The following CPLANE1 variants were observed in gnomAD, a reference collection of about 807,000 sequenced individuals.
CPLANE1 encodes ciliogenesis and planar polarity effector 1.
Under a neutral mutation model 362.5 loss-of-function variants are expected in CPLANE1, and 263 were observed. The ratio of observed to expected loss-of-function variants is 0.73; its 90% confidence interval spans 0.66 to 0.80. The LOEUF (loss-of-function observed/expected upper bound fraction) is 0.80. CPLANE1 is among the 30% of genes least tolerant of loss of function. CPLANE1 has a pLI of 0.00. For missense variants in CPLANE1, 3,461 were observed against 3,793.4 expected (o/e 0.91, Z 2.30); for synonymous variants, 1,212 against 1,302.6 (o/e 0.93, Z 1.50).
Position 37,231,046 on chromosome 5 carries a change from G to A in CPLANE1, c.942C>T (p.Ser314=). 2 of 1,521,182 alleles carry A rather than the reference G, an allele frequency of 1.3e-6. No individual in the cohort carries two copies. Among genetic ancestry groups the A allele is most frequent in the Non-Finnish European group, 1.8e-6 (2 of 1,134,496 alleles). The allele number at this position is 1,521,182 out of a possible 1,614,324, so 94.2% of individuals were successfully genotyped here. A position where few individuals can be genotyped will look rare whatever the true frequency, so the allele number is the denominator to read the frequency against. The change falls in exon 9 of 53, where the codon TCC becomes TCT. Residue 314 remains serine, a synonymous_variant. Coordinates refer to ENST00000651892, the MANE Select transcript of CPLANE1 (RefSeq NM_001384732.1). ...TCCAGCTGATATCACCTACCCAGTA[G>A]GACCTATAATAAATAAGAGACAACA... ...SPVVPATLIR[S]YWVGDISWTH... is the part of the protein sequence containing the mutation.
chr5:37,164,143 T>C (rs1777619182), intron 37 of CPLANE1, 130 bp downstream of exon 37: 2 of 683,250 alleles, frequency 2.9e-6, no homozygotes, highest in Non-Finnish European at 5.1e-6. Context: ...GGGGGTGGAG[T>C]ATAGGAACCC....
intron 18 of CPLANE1, among the ~76,000 whole-genome samples, chr5:37,203,832 T>C (rs996442194): frequency 6.6e-6 from 1 of 152,184 alleles, no homozygotes; most frequent in African/African-American, 2.4e-5. Flanking sequence ...GTACACATTT[T>C]TGTGTACATG....
intron 47 of CPLANE1, among the ~76,000 whole-genome samples, chr5:37,124,271 GTAAT>G (rs1763535522): frequency 4.2e-3 from 1 of 238 alleles, no homozygotes; most frequent in Non-Finnish European, 6.8e-3. Context: ...AAGATAAACT[GTAAT>G]CTAAACTGTA....
intron 8 of CPLANE1, among the ~76,000 whole-genome samples, chr5:37,233,352 A>G (rs1798182245): frequency 1.3e-5 from 2 of 152,030 alleles, no homozygotes; most frequent in South Asian, 4.1e-4. Context: ...CACTTCTCAC[A>G]GCTTCTTGCC....
intron 15 of CPLANE1, among the ~76,000 whole-genome samples, chr5:37,214,006 G>A (rs1463501031): frequency 6.6e-6 from 1 of 151,864 alleles, no homozygotes; most frequent in African/African-American, 2.4e-5. Context: ...ACTAGAAAAT[G>A]TTTTGGAGAT....
At chr5:37,115,166 C>T in intron 50 of CPLANE1, 117 bp from the exon 51 acceptor site, 3 of 722,004 alleles carry the variant, frequency 4.2e-6, no homozygotes, top group Non-Finnish European at 7.1e-6. Context: ...CTCACCAAGC[C>T]CTGTTCACAG....
At chr5:37,203,356 C>A (rs1789759539) in intron 18 of CPLANE1, among the ~76,000 whole-genome samples, 1 of 152,172 alleles carries the variant, frequency 6.6e-6, no homozygotes, top group African/African-American at 2.4e-5. Flanking sequence ...TATGTTGTCA[C>A]AAGTTATCAG....
intron 32 of CPLANE1, among the ~76,000 whole-genome samples, chr5:37,172,725 C>T (rs1271173829): frequency 1.3e-5 from 2 of 152,256 alleles, no homozygotes; most frequent in Non-Finnish European, 2.9e-5. Flanking sequence ...GCGGCTCACG[C>T]CTGTAATCCT....
Position 37,142,449 on chromosome 5 carries a change from ATCT to A in CPLANE1, c.8490_8492del (p.Glu2830del), listed in dbSNP as rs1770053742. The A allele has an allele frequency of 6.2e-7, 1 of 1,605,124 alleles. No individual in the cohort carries two copies. The highest frequency in any genetic ancestry group is 1.1e-5 in the South Asian group (1 of 89,498). On this transcript the variant is annotated inframe_deletion, in exon 44 of 53. Coordinates refer to ENST00000651892, the MANE Select transcript of CPLANE1 (RefSeq NM_001384732.1). ...CTGAAGTCTCCTTTTTGTCACTTTG[ATCT>A]TCTTCATCCATATGGGTCAAAAAAC... is the stretch of plus-strand genomic sequence containing the variant.
chr5:37,117,811 G>A (rs889366060), intron 50 of CPLANE1, among the ~76,000 whole-genome samples: 19 of 152,206 alleles, frequency 1.2e-4, no homozygotes, highest in Non-Finnish European at 2.1e-4. Flanking sequence ...TGAGATTAAC[G>A]GAAAGACGGG....
intron 49 of CPLANE1, 148 bp from the exon 50 acceptor site, chr5:37,120,488 G>A: frequency 3.4e-6 from 2 of 591,972 alleles, no homozygotes; most frequent in Admixed American, 4.2e-5. Context: ...GAGGATCACT[G>A]GAACCCAGAG....
At chr5:37,227,430 T>C in intron 10 of CPLANE1, 38 bp from the exon 11 acceptor site, 1 of 1,511,440 alleles carries the variant, frequency 6.6e-7, no homozygotes, top group Non-Finnish European at 8.9e-7. Flanking sequence ...AAGAGCAAAA[T>C]GTTATCTGTA....
rs1554084360 is a variant in CPLANE1 at position 37,184,954 on chromosome 5, CT to C, written c.4314del (p.Glu1439LysfsTer19). On this transcript the variant is annotated frameshift_variant, in exon 25 of 53. Coordinates refer to ENST00000651892, the MANE Select transcript of CPLANE1 (RefSeq NM_001384732.1). ...CCTGGAGCCTCATCTGGTTTCTCTT[CT>C]TCAATTGGTTCCCATATATTCACTT... ...SFEVNIWEPIEEEKPDEAPGV... is the reference protein window; with the variant it reads ...SFEVNIWEPIXEEKPDEAPGV... The C allele has an allele frequency of 6.2e-7, 1 of 1,614,112 alleles. No homozygotes were observed. The highest frequency in any genetic ancestry group is 8.5e-7 in the Non-Finnish European group (1 of 1,179,982).
chr5:37,085,137 G>C, the CPLANE1 span: 28 of 758,146 alleles, frequency 3.7e-5, no homozygotes, highest in African/African-American at 4.4e-4. Context: ...CAGTGTGTTT[G>C]CTCCTTGTCC....
intron 2 of CPLANE1, among the ~76,000 whole-genome samples, chr5:37,247,310 T>C (rs1740024581): frequency 6.6e-6 from 1 of 152,230 alleles, no homozygotes; most frequent in East Asian, 1.9e-4. Context: ...ACATTAAATA[T>C]TCCCTTTTGA....
chr5:37,171,682 T>C (rs1779816066), intron 32 of CPLANE1, among the ~76,000 whole-genome samples: 1 of 151,846 alleles, frequency 6.6e-6, no homozygotes, highest in East Asian at 1.9e-4. Flanking sequence ...TAAATATCAT[T>C]CATAATCCTA....
intron 21 of CPLANE1, among the ~76,000 whole-genome samples, chr5:37,193,552 G>A (rs1441174989): frequency 6.6e-6 from 1 of 151,950 alleles, no homozygotes; most frequent in East Asian, 1.9e-4. Flanking sequence ...CTACTGGGAA[G>A]GCTGAGGCAG....
chr5:37,090,117 T>C, the CPLANE1 span, among the ~76,000 whole-genome samples: 1 of 152,166 alleles, frequency 6.6e-6, no homozygotes, highest in Non-Finnish European at 1.5e-5. Flanking sequence ...AATTAAAGAC[T>C]AGCAACTAGC....
chr5:37,142,049 T>TA, intron 44 of CPLANE1: 9 of 854,162 alleles, frequency 1.1e-5, no homozygotes, highest in Non-Finnish European at 1.3e-5. Context: ...AATCAACTAT[T>TA]ACAGTAATTC....
Sources: gnomAD v4.1 joint callset for allele counts (sites outside exome capture counted in the v4.1 genomes callset) on GRCh38, gnomAD v4.1.1 for gene constraint, MANE v1.5 for transcripts, NCBI Gene and HGNC (gene_info 2026-07-23, HGNC 2026-07-21) for gene names.